ALS2CL: variants seen among roughly 807,000 people sequenced by gnomAD.
ALS2CL encodes ALS2 C-terminal-like protein.
Under a neutral mutation model 127.9 loss-of-function variants are expected in ALS2CL, and 112 were observed. That is an observed-to-expected ratio of 0.88 (90% confidence interval 0.75 to 1.02). ALS2CL has a LOEUF of 1.02. ALS2CL is among the 50% of genes least tolerant of loss of function. The pLI, the probability that ALS2CL is intolerant of heterozygous loss-of-function variation, is 0.00. For missense variants in ALS2CL, 1,174 were observed against 1,236.7 expected (o/e 0.95, Z 0.76); for synonymous variants, 519 against 527.6 (o/e 0.98, Z 0.22).
In ALS2CL at chr3:46,686,059, G is replaced by A. The variant is rs569852385; in HGVS notation, c.666+249C>T. ...AAGGGTGTGATCGGTGATATCCCCAGGGGAGAGGACTGGTTCTGCTGATTG... is the reference window on the plus strand; with the variant it reads ...AAGGGTGTGATCGGTGATATCCCCAAGGGAGAGGACTGGTTCTGCTGATTG... On this transcript the variant is annotated intron_variant, in intron 6 of 25. Coordinates refer to ENST00000318962, the MANE Select transcript of ALS2CL (RefSeq NM_147129.5). The surrounding 1 kb of genome is among the most constrained non-coding windows in gnomAD (Gnocchi z 4.3). 6.6e-6 allele frequency among the ~76,000 whole-genome samples: 1 copy of A among 152,206 alleles called. No homozygotes were observed. Among genetic ancestry groups the A allele is most frequent in the Admixed American group, 6.5e-5 (1 of 15,286 alleles).
At chr3:46,687,741 C>T (rs1321495481) in intron 3 of ALS2CL, 57 bp from the exon 4 acceptor site, 11 of 1,533,362 alleles carry the variant, frequency 7.2e-6, no homozygotes, top group Admixed American at 5.8e-5. Flanking sequence ...AGACCTAAGC[C>T]CCTGGTCCCT....
Position 46,676,731 on chromosome 3 carries a change from G to T in ALS2CL, c.1939C>A (p.Pro647Thr). The T allele has an allele frequency of 6.2e-7, 1 of 1,613,554 alleles. No individual in the cohort carries two copies. Among genetic ancestry groups the T allele is most frequent in the Non-Finnish European group, 8.5e-7 (1 of 1,179,916 alleles). The part of the protein sequence containing the change: ...QDYLSCERTH[P>T]EDSVGSMEDI... ...TCCATACTGCCCACACTGTCCTCAG[G>T]GTGGGTCCTGGGCACCACACACAGC... is the stretch of plus-strand genomic sequence containing the variant. Residue 647 changes from proline to threonine, a missense_variant, in exon 18 of 26, where the codon CCT becomes ACT. Pro to Thr is a conservative substitution (Grantham distance 38). Transcript: ENST00000318962.
chr3:46,675,834 A>C (rs1174353043), intron 19 of ALS2CL, 148 bp from the exon 20 acceptor site: 1 of 1,480,444 alleles, frequency 6.8e-7, no homozygotes, highest in African/African-American at 1.4e-5. Flanking sequence ...CAGAAGTTAG[A>C]AGGTTGGAGC....
intron 1 of ALS2CL, among the ~76,000 whole-genome samples, chr3:46,691,959 C>T (rs1295091475): frequency 2.0e-5 from 3 of 151,968 alleles, no homozygotes; most frequent in Non-Finnish European, 4.4e-5. Flanking sequence ...CTTAGACTCC[C>T]CACCCCACAA....
At chr3:46,683,036 A>C (rs1400777392) in intron 10 of ALS2CL, 94 bp downstream of exon 10, 44 of 1,323,856 alleles carry the variant, frequency 3.3e-5, no homozygotes, top group Non-Finnish European at 4.2e-5. Context: ...CCGCTCCTGG[A>C]ACATGTCCTG....
intron 3 of ALS2CL, 56 bp downstream of exon 3, chr3:46,688,042 C>T: frequency 6.3e-7 from 1 of 1,585,236 alleles, no homozygotes; most frequent in Non-Finnish European, 8.6e-7. Context: ...AACCTTAATG[C>T]CAGGTGTCAC....
chr3:46,687,547 G>A, intron 4 of ALS2CL, 72 bp downstream of exon 4: 1 of 1,544,088 alleles, frequency 6.5e-7, no homozygotes, highest in Non-Finnish European at 8.8e-7. Context: ...CTGGGGAGGG[G>A]GCTTCCCCGA....
At chr3:46,685,066 C>T (rs1699657252) in intron 7 of ALS2CL, among the ~76,000 whole-genome samples, 1 of 152,190 alleles carries the variant, frequency 6.6e-6, no homozygotes, top group Admixed American at 6.5e-5. Flanking sequence ...ATGCTGAAAG[C>T]CCAGGCACTG....
chr3:46,675,701 G>C lies in ALS2CL; in HGVS notation c.2187-15C>G. ...GCAGCAGACCCCTGTGAGTCAATGA[G>C]AGAGAAATGGTGTGGCTGCCCCTTG... On this transcript the variant is annotated splice_polypyrimidine_tract_variant and intron_variant, in intron 19 of 25. Transcript: ENST00000318962. 1.9e-6 allele frequency: 3 copies of C among 1,613,284 alleles called. No individual in the cohort carries two copies. Among genetic ancestry groups the C allele is most frequent in the Non-Finnish European group, 2.5e-6 (3 of 1,180,024 alleles).
At chr3:46,678,671 C>A (rs1699072746) in intron 15 of ALS2CL, among the ~76,000 whole-genome samples, 1 of 152,210 alleles carries the variant, frequency 6.6e-6, no homozygotes, top group Non-Finnish European at 1.5e-5. Flanking sequence ...AGTGGGGAGA[C>A]CACCACTGAG....
At chr3:46,671,372 A>G in intron 25 of ALS2CL, 116 bp downstream of exon 25, 2 of 1,485,684 alleles carry the variant, frequency 1.3e-6, no homozygotes, top group Non-Finnish European at 1.8e-6. Flanking sequence ...AGAGTCACAC[A>G]TGAGCTGTGA....
chr3:46,679,358 A>G, intron 14 of ALS2CL, 71 bp from the exon 15 acceptor site: 2 of 1,323,540 alleles, frequency 1.5e-6, no homozygotes, highest in Non-Finnish European at 2.1e-6. Context: ...GGGTGGAGAG[A>G]GATGGCCAAA....
chr3:46,683,342 A>G lies in ALS2CL; in HGVS notation c.913-16T>C, dbSNP rs777402733. On this transcript the variant is annotated splice_polypyrimidine_tract_variant and intron_variant, in intron 9 of 25. Coordinates refer to ENST00000318962, the MANE Select transcript of ALS2CL (RefSeq NM_147129.5). ...GCCAGACTGCCTGGTGGGAGGGGGA[A>G]CATGGGGAAGGGGATCACTGCTGCT... 1.9e-6 allele frequency: 3 copies of G among 1,569,150 alleles called. No individual in the cohort carries two copies. The highest frequency in any genetic ancestry group is 2.6e-6 in the Non-Finnish European group (3 of 1,156,548).
chr3:46,679,311 G>A (rs767204066), intron 14 of ALS2CL, 24 bp from the exon 15 acceptor site: 6 of 1,553,716 alleles, frequency 3.9e-6, no homozygotes, highest in Non-Finnish European at 5.2e-6. Flanking sequence ...AGCCAGGGAG[G>A]GTAGAAAGGG....
At chr3:46,683,753 C>G (rs767871893) in intron 9 of ALS2CL, 29 bp downstream of exon 9, 4 of 1,612,432 alleles carry the variant, frequency 2.5e-6, no homozygotes, top group South Asian at 2.2e-5. Flanking sequence ...TGACCCCGCT[C>G]CCGCAGTTCA....
intron 17 of ALS2CL, 25 bp downstream of exon 17, chr3:46,676,824 T>C (rs754884502): frequency 3.9e-6 from 6 of 1,548,872 alleles, no homozygotes; most frequent in Non-Finnish European, 5.3e-6. Context: ...CCCTAACCTG[T>C]GCATGCTCAC....
In ALS2CL at chr3:46,683,988, C is replaced by T. The variant is rs1435115223; in HGVS notation, c.845+1G>A. On this transcript the variant is annotated splice_donor_variant, in intron 8 of 25. Coordinates refer to ENST00000318962, the MANE Select transcript of ALS2CL (RefSeq NM_147129.5). LOFTEE classifies it high-confidence loss of function. ...GGGTGTCAGCCGAGGGGGTTGCTCA[C>T]CCGTCCTGCCCAGGATCCACCCACA... 1 of 1,588,980 alleles carries T rather than the reference C, an allele frequency of 6.3e-7. No homozygotes were observed. Among genetic ancestry groups the T allele is most frequent in the Non-Finnish European group, 8.6e-7 (1 of 1,166,706 alleles).
chr3:46,682,394 T>C (rs1699424180), intron 10 of ALS2CL, among the ~76,000 whole-genome samples: 1 of 152,210 alleles, frequency 6.6e-6, no homozygotes, highest in Admixed American at 6.5e-5. Flanking sequence ...GAGCTAAGAA[T>C]CAAGCTCAAG....
intron 15 of ALS2CL, 102 bp from the exon 16 acceptor site, chr3:46,678,491 G>A: frequency 7.0e-7 from 1 of 1,434,314 alleles, no homozygotes; most frequent in Non-Finnish European, 9.3e-7. Flanking sequence ...GAGAGGCTAA[G>A]GACTAATGAA....
Sources: gnomAD v4.1 joint callset for allele counts (sites outside exome capture counted in the v4.1 genomes callset) on GRCh38, gnomAD v4.1.1 for gene constraint, Gnocchi (gnomAD v3.1) non-coding constraint, MANE v1.5 for transcripts, NCBI Gene and HGNC (gene_info 2026-07-23, HGNC 2026-07-21) for gene names.